Variants in PRKCE observed in about 807,000 individuals in gnomAD.
PRKCE encodes protein kinase C epsilon.
A neutral mutation model predicts 85.4 loss-of-function variants in PRKCE; 16 were observed. The observed-to-expected ratio is 0.19, with a 90% confidence interval of 0.13 to 0.28. The LOEUF is 0.28. Among genes scored for constraint, PRKCE ranks in the 10% least tolerant of loss-of-function variants. PRKCE has a pLI of 1.00. For synonymous variants in PRKCE, 388 were observed against 371.5 expected (o/e 1.04, Z -0.51); for missense variants, 573 against 975.2 (o/e 0.59, Z 5.49).
At chr2:46,125,535 G>A (rs532412268) in intron 11 of PRKCE, among the ~76,000 whole-genome samples, 55 of 152,234 alleles carry the variant, frequency 3.6e-4, no homozygotes, top group African/African-American at 1.1e-3. Flanking sequence ...GAGGATGGTC[G>A]GTTTCCTAGA....
chr2:45,806,479 G>A (rs1573431767), intron 1 of PRKCE, among the ~76,000 whole-genome samples: 1 of 152,328 alleles, frequency 6.6e-6, no homozygotes, highest in South Asian at 2.1e-4. Context: ...GCACAGATCA[G>A]CGGCATTAAG....
At chr2:45,684,492 A>G (rs1472619583) in intron 1 of PRKCE, among the ~76,000 whole-genome samples, 1 of 152,268 alleles carries the variant, frequency 6.6e-6, no homozygotes, top group Admixed American at 6.5e-5. Context: ...CATAAGGAGC[A>G]GTGGAATAGC....
intron 6 of PRKCE, among the ~76,000 whole-genome samples, chr2:45,998,072 T>A (rs1214036999): frequency 6.6e-6 from 1 of 152,196 alleles, no homozygotes. Context: ...GCCCAGAATG[T>A]GGTCTTTCTT....
At position 46,090,791 on chromosome 2, in the gene PRKCE, T is replaced by A. The variant is rs67554433; in HGVS notation, c.1592+4429T>A. On this transcript the variant is annotated intron_variant, in intron 11 of 14. Coordinates refer to ENST00000306156, the MANE Select transcript of PRKCE (RefSeq NM_005400.3). ...GTCTATATGAGGTTGATGGAGAAGC[T>A]GTACATATGTGTTTCTGCCTGTTTG... is the stretch of plus-strand genomic sequence containing the variant. 2.9e-3 allele frequency among the ~76,000 whole-genome samples: 440 copies of A among 152,150 alleles called. 3 individuals are homozygous for A. Among genetic ancestry groups the A allele is most frequent in the Middle Eastern group, 0.024 (7 of 294 alleles).
intron 11 of PRKCE, among the ~76,000 whole-genome samples, chr2:46,128,815 T>C (rs755740959): frequency 6.6e-6 from 1 of 152,204 alleles, no homozygotes; most frequent in Non-Finnish European, 1.5e-5. Flanking sequence ...CTGGAAATGT[T>C]GGTGATCCTG....
At chr2:45,672,612 T>C (rs1676228221) in intron 1 of PRKCE, among the ~76,000 whole-genome samples, 1 of 152,224 alleles carries the variant, frequency 6.6e-6, no homozygotes, top group Admixed American at 6.5e-5. Context: ...TGACTGAGGT[T>C]GCGGCAATTG....
chr2:46,149,199 C>T (rs1354719112), intron 12 of PRKCE, among the ~76,000 whole-genome samples: 1 of 152,156 alleles, frequency 6.6e-6, no homozygotes, highest in African/African-American at 2.4e-5. Flanking sequence ...CCTCCTCTTC[C>T]CTGGCCACCA....
intron 2 of PRKCE, among the ~76,000 whole-genome samples, chr2:45,967,031 T>A (rs55780777): frequency 0.19 from 29,498 of 152,156 alleles, 3,355 homozygotes; most frequent in African/African-American, 0.3. Context: ...GAACCATGGC[T>A]GTATATGTCT....
chr2:45,896,579 T>C (rs1357649930), intron 2 of PRKCE, among the ~76,000 whole-genome samples: 2 of 152,220 alleles, frequency 1.3e-5, no homozygotes, highest in African/African-American at 4.8e-5. Context: ...CTGGGAAATG[T>C]GCGTAAATAC....
chr2:45,684,758 G>C (rs947381824), intron 1 of PRKCE, among the ~76,000 whole-genome samples: 5 of 152,188 alleles, frequency 3.3e-5, no homozygotes, highest in African/African-American at 1.2e-4. Flanking sequence ...GCCAGAGGTG[G>C]CAGTGCTTTC....
intron 1 of PRKCE, among the ~76,000 whole-genome samples, chr2:45,702,126 T>A (rs1406520419): frequency 6.6e-6 from 1 of 152,068 alleles, no homozygotes; most frequent in South Asian, 2.1e-4. Context: ...GAGGCAGAGG[T>A]TGCAGTGAGC....
chr2:45,897,957 C>T (rs146564305), intron 2 of PRKCE, among the ~76,000 whole-genome samples: 2 of 152,202 alleles, frequency 1.3e-5, no homozygotes, highest in South Asian at 2.1e-4. Flanking sequence ...GTGATTTGGG[C>T]GATCTCTATG....
intron 11 of PRKCE, among the ~76,000 whole-genome samples, chr2:46,114,370 AG>A (rs1271397804): frequency 6.6e-6 from 1 of 150,706 alleles, no homozygotes; most frequent in Non-Finnish European, 1.5e-5. Flanking sequence ...CCTGACCAAA[AG>A]GGCTAGAAAT....
At chr2:45,773,666 T>C (rs1223199275) in intron 1 of PRKCE, among the ~76,000 whole-genome samples, 1 of 152,132 alleles carries the variant, frequency 6.6e-6, no homozygotes, top group Non-Finnish European at 1.5e-5. Flanking sequence ...CAGTGAGAGG[T>C]GTCCCCAAGT....
In PRKCE at chr2:46,004,495, C is replaced by T; in HGVS notation, c.967-47C>T. The T allele has an allele frequency of 1.4e-6, 2 of 1,462,156 alleles. No homozygotes were observed. The highest frequency in any genetic ancestry group is 2.8e-5 in the African/African-American group (2 of 71,754). The allele number at this position is 1,462,156 out of a possible 1,614,324, so 90.6% of individuals were successfully genotyped here. On this transcript the variant is annotated intron_variant, in intron 7 of 14. Coordinates refer to ENST00000306156, the MANE Select transcript of PRKCE (RefSeq NM_005400.3). This position sits in a 1 kb window ranked among gnomAD's most constrained non-coding sequence, Gnocchi z 4.1. ...GATGCTTTTGACATCAGAAAACTCT[C>T]AACCCTCCCTTCTGATGCCTCTGTC...
Position 46,159,820 on chromosome 2 carries a change from G to A in PRKCE, c.2067+68G>A, listed in dbSNP as rs983899330. 1 of 1,576,072 alleles carries A rather than the reference G, an allele frequency of 6.3e-7. No individual in the cohort carries two copies. On this transcript the variant is annotated intron_variant, in intron 14 of 14. Coordinates refer to ENST00000306156, the MANE Select transcript of PRKCE (RefSeq NM_005400.3). This position sits in a 1 kb window ranked among gnomAD's most constrained non-coding sequence, Gnocchi z 4.1. ...CAGGTACTTGCAGGACAGGCTGCGT[G>A]CACCCAGGAAGAGTTGGTCAGGGGA...
chr2:45,934,127 G>A (rs1377694358), intron 2 of PRKCE, among the ~76,000 whole-genome samples: 1 of 152,130 alleles, frequency 6.6e-6, no homozygotes, highest in African/African-American at 2.4e-5. Flanking sequence ...CACACGCTCA[G>A]GGCACACTTG....
At chr2:45,685,715 G>C (rs573711998) in intron 1 of PRKCE, 3 of 152,210 alleles carry the variant, frequency 2.0e-5, no homozygotes, top group African/African-American at 7.2e-5. Context: ...CCCCAGGTAC[G>C]GGGGGCAGTG....
At chr2:45,821,404 G>A (rs1424407082) in intron 1 of PRKCE, among the ~76,000 whole-genome samples, 1 of 152,162 alleles carries the variant, frequency 6.6e-6, no homozygotes, top group Non-Finnish European at 1.5e-5. Flanking sequence ...GGAGGATGGT[G>A]GGGGTGGAGG....
Sources: gnomAD v4.1 joint callset for allele counts (sites outside exome capture counted in the v4.1 genomes callset) on GRCh38, gnomAD v4.1.1 for gene constraint, Gnocchi (gnomAD v3.1) non-coding constraint, MANE v1.5 for transcripts, NCBI Gene and HGNC (gene_info 2026-07-23, HGNC 2026-07-21) for gene names.